The following TENM3 variants were observed in gnomAD, a reference collection of about 807,000 sequenced individuals.
TENM3 encodes teneurin transmembrane protein 3, also known as teneurin-3.
A neutral mutation model predicts 255.1 loss-of-function variants in TENM3; 63 were observed. The ratio of observed to expected loss-of-function variants is 0.25; its 90% CI spans 0.20 to 0.30. TENM3 has a LOEUF of 0.30. Ranked by LOEUF, TENM3 falls within the 10% of genes least tolerant of loss-of-function variation. The pLI is 1.00. For missense variants in TENM3, 2,929 were observed against 3,461.1 expected, an observed-to-expected ratio of 0.85 and a Z score of 3.86; for synonymous variants, 1,306 against 1,322.3, an observed-to-expected ratio of 0.99 and a Z score of 0.27.
chr4:182,679,662 C>T lies in TENM3; in HGVS notation c.1327-4C>T. The T allele has an allele frequency of 1.2e-6, 2 of 1,610,742 alleles. No homozygotes were observed. The highest frequency in any genetic ancestry group is 1.7e-6 in the Non-Finnish European group (2 of 1,178,458). Reference sequence around the variant, plus strand: ...CTGACTATTTTTCCTCGTCCTCCCCCCAGTATGACTTCGTGGAGCTCCTGG... The same window carrying T: ...CTGACTATTTTTCCTCGTCCTCCCCTCAGTATGACTTCGTGGAGCTCCTGG... On this transcript the variant is annotated splice_polypyrimidine_tract_variant and splice_region_variant and intron_variant, in intron 7 of 27. Coordinates refer to ENST00000511685, the MANE Select transcript of TENM3 (RefSeq NM_001080477.4).
At chr4:181,919,638 C>T in the TENM3 span, among the ~76,000 whole-genome samples, 2 of 152,006 alleles carry the variant, frequency 1.3e-5, no homozygotes, top group Non-Finnish European at 2.9e-5. Flanking sequence ...GGTGCCCTTC[C>T]TAGTCCTGTT....
intron 22 of TENM3, among the ~76,000 whole-genome samples, chr4:182,765,216 G>C (rs562072203): frequency 1.3e-5 from 2 of 152,266 alleles, no homozygotes; most frequent in Admixed American, 1.3e-4. Flanking sequence ...GAAGCTATAA[G>C]TGTGAATAAA....
the TENM3 span, among the ~76,000 whole-genome samples, chr4:181,884,348 T>C: frequency 1.3e-5 from 2 of 152,088 alleles, no homozygotes; most frequent in South Asian, 2.1e-4. Context: ...ATTTTAAGTA[T>C]AGAATTCAGT....
the TENM3 span, among the ~76,000 whole-genome samples, chr4:182,119,157 A>G: frequency 6.6e-6 from 1 of 152,156 alleles, no homozygotes; most frequent in African/African-American, 2.4e-5. Context: ...CCCCCCAGGT[A>G]GATTAGGCTC....
intron 3 of TENM3, among the ~76,000 whole-genome samples, chr4:182,528,065 T>C (rs757689198): frequency 3.2e-4 from 48 of 152,204 alleles, no homozygotes; most frequent in Non-Finnish European, 3.5e-4. Context: ...AACCCTAATA[T>C]TCTTGTGTTC....
chr4:181,737,988 G>A, the TENM3 span, among the ~76,000 whole-genome samples: 1 of 151,422 alleles, frequency 6.6e-6, no homozygotes, highest in Non-Finnish European at 1.5e-5. Flanking sequence ...CAATAAATGA[G>A]GAAAAATAGC....
At chr4:181,641,414 A>G in the TENM3 span, among the ~76,000 whole-genome samples, 2 of 150,628 alleles carry the variant, frequency 1.3e-5, no homozygotes, top group South Asian at 4.2e-4. Context: ...GCTCCCACTT[A>G]TGAGTGAGAA....
At chr4:182,283,218 A>G (rs1395869181) in intron 1 of TENM3, among the ~76,000 whole-genome samples, 2 of 152,218 alleles carry the variant, frequency 1.3e-5, no homozygotes, top group African/African-American at 4.8e-5. Flanking sequence ...CCATTCTTAT[A>G]AAACGTAAAT....
the TENM3 span, among the ~76,000 whole-genome samples, chr4:181,842,414 T>C: frequency 1.6e-4 from 25 of 152,354 alleles, no homozygotes; most frequent in African/African-American, 5.8e-4. Context: ...TCTTTTATTC[T>C]TATAACAAGC....
the TENM3 span, among the ~76,000 whole-genome samples, chr4:181,601,651 T>C: frequency 9.2e-5 from 14 of 152,308 alleles, no homozygotes; most frequent in South Asian, 2.9e-3. Context: ...CAATTTTAAA[T>C]ATATTGTTTA....
At chr4:181,944,291 C>T in the TENM3 span, among the ~76,000 whole-genome samples, 1 of 151,776 alleles carries the variant, frequency 6.6e-6, no homozygotes, top group East Asian at 1.9e-4. Context: ...GGTCCCAAGT[C>T]CTGAGAACCT....
At chr4:181,902,940 T>G in the TENM3 span, among the ~76,000 whole-genome samples, 1 of 152,206 alleles carries the variant, frequency 6.6e-6, no homozygotes, top group Non-Finnish European at 1.5e-5. Context: ...TGTAGAATAT[T>G]TAAGTACGTT....
chr4:181,841,725 T>C, the TENM3 span, among the ~76,000 whole-genome samples: 1 of 152,194 alleles, frequency 6.6e-6, no homozygotes, highest in Admixed American at 6.5e-5. Context: ...CCATCTCTTT[T>C]GTATATTCAG....
intron 3 of TENM3, among the ~76,000 whole-genome samples, chr4:182,510,960 G>C (rs1387013367): frequency 6.6e-6 from 1 of 152,164 alleles, no homozygotes; most frequent in Non-Finnish European, 1.5e-5. Flanking sequence ...TGAGAGATGA[G>C]GCATTAGCCA....
Position 182,324,042 on chromosome 4 carries a change from C to G in TENM3, c.22C>G (p.Pro8Ala). Reference protein sequence around the residue: MDVKERRPYCSLTKSRRE... With the variant: MDVKERRAYCSLTKSRRE... ...AAGTATGGATGTGAAAGAACGCAGG[C>G]CTTACTGCTCCCTGACCAAGAGCAG... Residue 8 changes from proline (P) to alanine (A), a missense_variant, in exon 2 of 28, where the codon CCT becomes GCT. Transcript: ENST00000511685. 1.2e-6 allele frequency: 2 copies of G among 1,613,896 alleles called. No individual in the cohort carries two copies. The highest frequency in any genetic ancestry group is 2.2e-5 in the East Asian group (1 of 44,862).
chr4:182,731,603 G>C (rs1028690134), intron 16 of TENM3, among the ~76,000 whole-genome samples: 1 of 151,252 alleles, frequency 6.6e-6, no homozygotes, highest in Admixed American at 6.6e-5. Flanking sequence ...CTCAAAAAAA[G>C]ACAAAAACAA....
chr4:182,060,006 G>A, the TENM3 span, among the ~76,000 whole-genome samples: 1 of 152,042 alleles, frequency 6.6e-6, no homozygotes, highest in African/African-American at 2.4e-5. Flanking sequence ...ACTTTGGGAG[G>A]TCAAGGTGGG....
At chr4:181,998,951 T>A in the TENM3 span, among the ~76,000 whole-genome samples, 1 of 152,120 alleles carries the variant, frequency 6.6e-6, no homozygotes, top group South Asian at 2.1e-4. Flanking sequence ...AGATGTAAAA[T>A]GGTCAAAATA....
chr4:182,262,790 T>C (rs1353077846), intron 1 of TENM3, among the ~76,000 whole-genome samples: 1 of 145,070 alleles, frequency 6.9e-6, no homozygotes, highest in Non-Finnish European at 1.5e-5. Flanking sequence ...CTCAGCTCAC[T>C]CCAAGCTCCG....
Sources: gnomAD v4.1 joint callset for allele counts (sites outside exome capture counted in the v4.1 genomes callset) on GRCh38, gnomAD v4.1.1 for gene constraint, MANE v1.5 for transcripts, NCBI Gene and HGNC (gene_info 2026-07-23, HGNC 2026-07-21) for gene names.